The following PCDH7 variants were observed in gnomAD, a reference collection of about 807,000 sequenced individuals.
PCDH7 encodes protocadherin 7.
Under a neutral mutation model 58.9 loss-of-function variants are expected in PCDH7, and 17 were observed. The ratio of observed to expected loss-of-function variants is 0.29; its 90% CI spans 0.20 to 0.43. PCDH7 has a LOEUF of 0.43. Ranked by LOEUF, PCDH7 falls within the 20% of genes least tolerant of loss-of-function variation. The probability of loss-of-function intolerance (pLI) is 1.00; values close to 1 mark genes in which losing one functional copy is unlikely to be tolerated. For missense variants in PCDH7, 1,274 were observed against 1,441.0 expected, an observed-to-expected ratio of 0.88 and a Z score of 1.88; for synonymous variants, 664 against 616.4, an observed-to-expected ratio of 1.08 and a Z score of -1.14.
At chr4:31,121,528 A>G (rs1280841282) in intron 3 of PCDH7, among the ~76,000 whole-genome samples, 2 of 152,198 alleles carry the variant, frequency 1.3e-5, no homozygotes, top group East Asian at 3.8e-4. Context: ...CTTGGACATC[A>G]GAGACATTTT....
intron 3 of PCDH7, among the ~76,000 whole-genome samples, chr4:31,123,849 G>A (rs958974270): frequency 6.6e-6 from 1 of 152,008 alleles, no homozygotes; most frequent in Non-Finnish European, 1.5e-5. Flanking sequence ...AGAAGAGTTC[G>A]GAGAGGAGGA....
At chr4:31,033,044 TG>T (rs1755094831) in intron 3 of PCDH7, among the ~76,000 whole-genome samples, 1 of 152,322 alleles carries the variant, frequency 6.6e-6, no homozygotes, top group East Asian at 1.9e-4. Context: ...CATAGTGTGT[TG>T]GTAAGCATTC....
intron 1 of PCDH7, chr4:30,730,690 C>A: frequency 1.5e-6 from 2 of 1,295,742 alleles, no homozygotes; most frequent in East Asian, 2.3e-5. Context: ...GCATAAGACA[C>A]TGGGGAAAAT....
At chr4:30,775,602 A>G (rs1721954750) in intron 1 of PCDH7, among the ~76,000 whole-genome samples, 1 of 152,082 alleles carries the variant, frequency 6.6e-6, no homozygotes, top group Admixed American at 6.6e-5. Flanking sequence ...TCTCTCATTC[A>G]GCTATTATAA....
intron 1 of PCDH7, among the ~76,000 whole-genome samples, chr4:30,872,070 T>G (rs115877134): frequency 2.0e-5 from 3 of 152,240 alleles, no homozygotes; most frequent in Non-Finnish European, 4.4e-5. Context: ...TTTATAGTTA[T>G]CAGGGGTTAA....
chr4:31,083,175 A>G (rs1265804281), intron 3 of PCDH7, among the ~76,000 whole-genome samples: 1 of 152,120 alleles, frequency 6.6e-6, no homozygotes, highest in Non-Finnish European at 1.5e-5. Flanking sequence ...CTCAGGGGGC[A>G]GGTGTACTAA....
chr4:30,751,261 T>C (rs1481114609), intron 1 of PCDH7, among the ~76,000 whole-genome samples: 2 of 152,238 alleles, frequency 1.3e-5, no homozygotes, highest in Admixed American at 6.5e-5. Context: ...GTAAAATTAA[T>C]GCTGTGCATA....
At chr4:30,827,885 G>T (rs1188674260) in intron 1 of PCDH7, among the ~76,000 whole-genome samples, 2 of 152,134 alleles carry the variant, frequency 1.3e-5, no homozygotes, top group African/African-American at 4.8e-5. Flanking sequence ...AAGAGGCAGA[G>T]CCTAGCAGTT....
Position 30,831,061 on chromosome 4 carries a change from G to A in PCDH7, c.71-89092G>A, listed in dbSNP as rs148365929. ...GTGTGCCGACATCCCACTAGTTAAC[G>A]GTTTCCCACAGGTGTATTTTAATTC... On this transcript the variant is annotated intron_variant, in intron 1 of 3. Transcript: ENST00000509759. 2.2e-4 allele frequency among the ~76,000 whole-genome samples: 34 copies of A among 152,086 alleles called. No individual in the cohort carries two copies. The East Asian group carries it at 5.8e-3, about 26-fold the overall frequency.
chr4:30,938,481 TACACAC>T (rs35485597), intron 2 of PCDH7, among the ~76,000 whole-genome samples: 31 of 148,726 alleles, frequency 2.1e-4, no homozygotes, highest in South Asian at 4.3e-4. Context: ...GGGAAAAACA[TACACAC>T]ACACACACAC....
At chr4:30,846,026 CTAATGGTAA>C in intron 1 of PCDH7, among the ~76,000 whole-genome samples, 1 of 152,182 alleles carries the variant, frequency 6.6e-6, no homozygotes, top group South Asian at 2.1e-4. Context: ...TAATGGTAGT[CTAATGGTAA>C]TAATGGTAGT....
chr4:30,850,069 T>A (rs905528470), intron 1 of PCDH7, among the ~76,000 whole-genome samples: 1 of 152,164 alleles, frequency 6.6e-6, no homozygotes, highest in Non-Finnish European at 1.5e-5. Context: ...GCCTTTGTCT[T>A]CATGTAGCTC....
At chr4:30,880,050 T>C (rs530564261) in intron 1 of PCDH7, among the ~76,000 whole-genome samples, 1 of 152,258 alleles carries the variant, frequency 6.6e-6, no homozygotes, top group South Asian at 2.1e-4. Context: ...TTAGTCAGTA[T>C]ACCAGATTGA....
chr4:31,080,413 GC>G (rs1291915539), intron 3 of PCDH7, among the ~76,000 whole-genome samples: 4 of 151,966 alleles, frequency 2.6e-5, no homozygotes, highest in African/African-American at 9.7e-5. Flanking sequence ...AATGGTAACA[GC>G]CATTGTATTT....
At chr4:30,790,110 AG>A (rs1214153622) in intron 1 of PCDH7, among the ~76,000 whole-genome samples, 1 of 152,166 alleles carries the variant, frequency 6.6e-6, no homozygotes, top group African/African-American at 2.4e-5. Flanking sequence ...TTTTGGTTTT[AG>A]TTCTTGTTAT....
rs1731618629 is a variant in PCDH7, at chr4:30,844,257, T to C, written c.71-75896T>C. On this transcript the variant is annotated intron_variant, in intron 1 of 3. Coordinates refer to the PCDH7 transcript ENST00000509759. ...TACGATCCCAAACTAAGAGTTTTCCTGTGTCATGTAATGTTACTAAACAAA... is the reference window on the plus strand; with the variant it reads ...TACGATCCCAAACTAAGAGTTTTCCCGTGTCATGTAATGTTACTAAACAAA... 2.0e-5 allele frequency among the ~76,000 whole-genome samples: 3 copies of C among 152,208 alleles called. No individual in the cohort carries two copies. In the South Asian group the frequency reaches 6.2e-4, roughly 31 times the overall value.
chr4:31,115,993 T>A (rs1291402615), intron 3 of PCDH7, among the ~76,000 whole-genome samples: 4 of 152,204 alleles, frequency 2.6e-5, no homozygotes, highest in Non-Finnish European at 5.9e-5. Flanking sequence ...AATGATGTAA[T>A]AACTCTTCAT....
intron 1 of PCDH7, among the ~76,000 whole-genome samples, chr4:30,901,994 A>G (rs1740275855): frequency 6.6e-6 from 1 of 152,172 alleles, no homozygotes. Flanking sequence ...CAACTATGCT[A>G]TGTAACTGTG....
At chr4:30,800,378 A>G (rs1321901201) in intron 1 of PCDH7, among the ~76,000 whole-genome samples, 5 of 152,156 alleles carry the variant, frequency 3.3e-5, no homozygotes, top group Non-Finnish European at 7.3e-5. Flanking sequence ...TGTTTCACAT[A>G]TATATATTTA....
Sources: allele counts gnomAD v4.1 joint callset (sites outside exome capture counted in the v4.1 genomes callset), GRCh38; gene constraint gnomAD v4.1.1; transcripts MANE v1.5; gene names NCBI Gene and HGNC (gene_info 2026-07-23, HGNC 2026-07-21).